Variants in PLCB1 observed in about 807,000 individuals in gnomAD.
PLCB1 encodes the protein 1-phosphatidylinositol 4,5-bisphosphate phosphodiesterase beta-1.
A neutral mutation model predicts 161.8 loss-of-function variants in PLCB1; 46 were observed. The ratio of observed to expected loss-of-function variants is 0.28; its 90% confidence interval spans 0.22 to 0.36. The LOEUF is 0.36. Among genes scored for constraint, PLCB1 ranks in the 10% least tolerant of loss-of-function variants. The pLI is 1.00. For synonymous variants in PLCB1, 517 were observed against 503.7 expected (o/e 1.03, Z -0.35); for missense variants, 1,016 against 1,472.5 (o/e 0.69, Z 5.07).
At chr20:8,296,133 T>C (rs1384803902) in intron 2 of PLCB1, among the ~76,000 whole-genome samples, 1 of 152,192 alleles carries the variant, frequency 6.6e-6, no homozygotes, top group African/African-American at 2.4e-5. Context: ...AGAACATTTT[T>C]AAAACGAATA....
chr20:8,783,976 AT>A (rs1182890956), intron 27 of PLCB1, among the ~76,000 whole-genome samples: 1 of 152,184 alleles, frequency 6.6e-6, no homozygotes, highest in Non-Finnish European at 1.5e-5. Flanking sequence ...GGGTGAGGCC[AT>A]TCTCAGAAAG....
chr20:8,626,031 A>C (rs1988330684), intron 3 of PLCB1, among the ~76,000 whole-genome samples: 1 of 152,040 alleles, frequency 6.6e-6, no homozygotes, highest in South Asian at 2.1e-4. Flanking sequence ...TACAAAACTT[A>C]GCCGGGCGTG....
intron 10 of PLCB1, among the ~76,000 whole-genome samples, chr20:8,695,448 T>C (rs1990563808): frequency 6.6e-6 from 1 of 152,214 alleles, no homozygotes; most frequent in African/African-American, 2.4e-5. Context: ...ATACCTGTAA[T>C]CTCAGCACTT....
At position 8,746,909 on chromosome 20, in the gene PLCB1, T is replaced by C. The variant is rs951129768; in HGVS notation, c.2523+5336T>C. On this transcript the variant is annotated intron_variant, in intron 23 of 31. Transcript: ENST00000338037. ...ATTGCTGATCCTGGTTCACTGGATC[T>C]GGGGTAGGGCCTGGGACTCAGCATC... Among the ~76,000 whole-genome samples the C allele has an allele frequency of 6.6e-5, 10 of 152,298 alleles. 1 individual carries two copies. The South Asian group carries it at 1.0e-3, about 16-fold the overall frequency.
At chr20:8,278,438 T>C (rs1982703104) in intron 2 of PLCB1, among the ~76,000 whole-genome samples, 1 of 150,856 alleles carries the variant, frequency 6.6e-6, no homozygotes, top group Non-Finnish European at 1.5e-5. Flanking sequence ...TAAGTATCTG[T>C]GATACATGTA....
At chr20:8,270,217 A>G (rs1028963189) in intron 2 of PLCB1, among the ~76,000 whole-genome samples, 1 of 152,114 alleles carries the variant, frequency 6.6e-6, no homozygotes, top group African/African-American at 2.4e-5. Flanking sequence ...GTGTGCAAAG[A>G]CTTCTCTTGT....
chr20:8,826,777 A>G (rs533333870), intron 31 of PLCB1, among the ~76,000 whole-genome samples: 1 of 152,334 alleles, frequency 6.6e-6, no homozygotes, highest in South Asian at 2.1e-4. Context: ...CAAGATGAAA[A>G]ATATAATCGC....
chr20:8,541,579 A>AGAAAGAAAGAAAGAAAGAAAG (rs1299943811), intron 3 of PLCB1, among the ~76,000 whole-genome samples: 1 of 150,504 alleles, frequency 6.6e-6, no homozygotes, highest in Non-Finnish European at 1.5e-5. Context: ...AAAGAAAGAA[A>AGAAAGAAAGAAAGAAAGAAAG]GAAAGAAAGA....
At position 8,883,118 on chromosome 20, in the gene PLCB1, T is replaced by G. The variant is rs889956941; in HGVS notation, c.*1269T>G. On this transcript the variant is annotated 3_prime_UTR_variant, in exon 32 of 32. Coordinates refer to ENST00000338037, the MANE Select transcript of PLCB1 (RefSeq NM_015192.4). The stretch of plus-strand genomic sequence containing the variant: ...AACTTATATGAATTTGATTTATATT[T>G]TGCAAGATCAAAAATTAGATGTTAA... 6.6e-6 allele frequency: 1 copy of G among 152,322 alleles called. No individual in the cohort carries two copies. The highest frequency in any genetic ancestry group is 1.5e-5 in the Non-Finnish European group (1 of 68,012). 9.4% of individuals were successfully genotyped at this position (152,322 alleles called of 1,614,324 possible).
At chr20:8,208,748 A>G (rs1978664577) in intron 2 of PLCB1, among the ~76,000 whole-genome samples, 2 of 140,480 alleles carry the variant, frequency 1.4e-5, no homozygotes, top group African/African-American at 5.8e-5. Context: ...ATAGATGAGG[A>G]TGATAGTGAT....
chr20:8,700,609 TTC>T (rs959241034), intron 11 of PLCB1, among the ~76,000 whole-genome samples: 3 of 152,216 alleles, frequency 2.0e-5, no homozygotes, highest in Admixed American at 1.3e-4. Context: ...GAATGCTGCT[TTC>T]TCTCTCTGCC....
chr20:8,743,480 C>A (rs2327100), intron 23 of PLCB1, among the ~76,000 whole-genome samples: 69,370 of 151,862 alleles, frequency 0.46, 16,135 homozygotes, highest in East Asian at 0.67. Flanking sequence ...TGCTCCAGAG[C>A]ACCCTGTGGG....
intron 9 of PLCB1, among the ~76,000 whole-genome samples, chr20:8,679,539 G>A (rs1990164753): frequency 6.6e-6 from 1 of 152,180 alleles, no homozygotes; most frequent in Non-Finnish European, 1.5e-5. Context: ...ACACTTCAGG[G>A]TTTTAAAGCA....
rs1384044322 is a variant in PLCB1, at chr20:8,276,977, C to CTTA, written c.178-94403_178-94402insATT. Among the ~76,000 whole-genome samples, 678 of 95,896 alleles carry CTTA rather than the reference C, an allele frequency of 7.1e-3. 3 individuals carry two copies. Among genetic ancestry groups the CTTA allele is most frequent in the Middle Eastern group, 0.024 (5 of 206 alleles). 62.9% of individuals were successfully genotyped at this position (95,896 alleles called of 152,430 possible). A position where few individuals can be genotyped will look rare whatever the true frequency, so the allele number is the denominator to read the frequency against. Reference sequence around the variant, plus strand: ...TCTTCTTCTTCTTCTTCTTCTTCTTCTTCTTCTTCTTATTATTATTATTAT... The same window carrying CTTA: ...TCTTCTTCTTCTTCTTCTTCTTCTTCTTATTCTTCTTCTTATTATTATTATTAT... On this transcript the variant is annotated intron_variant, in intron 2 of 31. Coordinates refer to ENST00000338037, the MANE Select transcript of PLCB1 (RefSeq NM_015192.4).
chr20:8,267,607 A>C (rs1982037602), intron 2 of PLCB1, among the ~76,000 whole-genome samples: 1 of 152,142 alleles, frequency 6.6e-6, no homozygotes, highest in Admixed American at 6.5e-5. Flanking sequence ...AACCTGAAAT[A>C]CATGTTACAA....
intron 31 of PLCB1, among the ~76,000 whole-genome samples, chr20:8,823,972 C>T (rs1432980824): frequency 6.7e-6 from 1 of 149,648 alleles, no homozygotes; most frequent in Non-Finnish European, 1.5e-5. Flanking sequence ...GTCAGCATCT[C>T]ACAGGGTTGG....
intron 1 of PLCB1, among the ~76,000 whole-genome samples, chr20:8,135,163 A>G (rs967446955): frequency 6.6e-6 from 1 of 152,176 alleles, no homozygotes; most frequent in African/African-American, 2.4e-5. Flanking sequence ...CAAAGGCCTG[A>G]GTTTACCTCC....
At chr20:8,638,159 G>T (rs1988825563) in intron 4 of PLCB1, among the ~76,000 whole-genome samples, 1 of 152,192 alleles carries the variant, frequency 6.6e-6, no homozygotes, top group African/African-American at 2.4e-5. Flanking sequence ...CTCCCAAAGT[G>T]CTGGGATTAC....
chr20:8,733,885 G>T (rs1164424489), intron 19 of PLCB1, among the ~76,000 whole-genome samples: 5 of 149,452 alleles, frequency 3.3e-5, no homozygotes, highest in African/African-American at 1.2e-4. Context: ...ACTTTGGGAG[G>T]CCGAGGCAGG....
Sources: gnomAD v4.1 joint callset for allele counts (sites outside exome capture counted in the v4.1 genomes callset) on GRCh38, gnomAD v4.1.1 for gene constraint, MANE v1.5 for transcripts, NCBI Gene and HGNC (gene_info 2026-07-23, HGNC 2026-07-21) for gene names.